KCNN2: variants seen among roughly 807,000 people sequenced by gnomAD.
KCNN2 encodes the protein small conductance calcium-activated potassium channel protein 2.
In KCNN2, 24 loss-of-function variants were observed where a neutral mutation model predicts 55.5. The ratio of observed to expected loss-of-function variants is 0.43; its 90% confidence interval spans 0.31 to 0.61. The LOEUF is 0.61. Ranked by LOEUF, KCNN2 falls within the 20% of genes least tolerant of loss-of-function variation. The pLI, the probability that KCNN2 is intolerant of heterozygous loss-of-function variation, is 0.08. For missense variants in KCNN2, 754 were observed against 853.6 expected (o/e 0.88, Z 1.45); for synonymous variants, 431 against 336.1 (o/e 1.28, Z -3.09).
chr5:114,235,875 G>A (rs1338597967), intron 2 of KCNN2, among the ~76,000 whole-genome samples: 1 of 152,208 alleles, frequency 6.6e-6, no homozygotes, highest in Non-Finnish European at 1.5e-5. Context: ...AGGAAACTGA[G>A]TATGAAAACG....
chr5:114,056,779 C>T (rs1038987329), intron 1 of KCNN2, among the ~76,000 whole-genome samples: 2 of 152,160 alleles, frequency 1.3e-5, no homozygotes, highest in Non-Finnish European at 2.9e-5. Flanking sequence ...CATCCTTCCC[C>T]CCTTGTCCTC....
chr5:114,268,922 C>T (rs1392511619), intron 2 of KCNN2, among the ~76,000 whole-genome samples: 3 of 151,822 alleles, frequency 2.0e-5, no homozygotes, highest in Non-Finnish European at 4.4e-5. Flanking sequence ...CCTCAGGTCT[C>T]CCAGCCATCT....
intron 4 of KCNN2, among the ~76,000 whole-genome samples, chr5:114,470,723 A>G (rs1043409897): frequency 6.6e-6 from 1 of 152,214 alleles, no homozygotes; most frequent in East Asian, 1.9e-4. Context: ...TCGTGTCTTC[A>G]TAAGTCAGTC....
At chr5:114,288,499 T>C (rs3101070) in intron 2 of KCNN2, among the ~76,000 whole-genome samples, 97,850 of 139,310 alleles carry the variant, frequency 0.7, 36,286 homozygotes, top group East Asian at 0.92. Flanking sequence ...TATATATATA[T>C]ACACACACAC....
At chr5:114,294,162 T>C (rs1755957629) in intron 2 of KCNN2, among the ~76,000 whole-genome samples, 1 of 152,148 alleles carries the variant, frequency 6.6e-6, no homozygotes, top group South Asian at 2.1e-4. Flanking sequence ...TGCATTAATT[T>C]TTTGAAGGGT....
At chr5:114,402,677 A>G (rs1440774428) in intron 2 of KCNN2, among the ~76,000 whole-genome samples, 1 of 152,152 alleles carries the variant, frequency 6.6e-6, no homozygotes, top group Non-Finnish European at 1.5e-5. Context: ...AAGGGGAACA[A>G]TGGCGGCCCT....
At chr5:114,170,259 G>A (rs939203980) in intron 1 of KCNN2, among the ~76,000 whole-genome samples, 6 of 151,980 alleles carry the variant, frequency 3.9e-5, no homozygotes, top group Non-Finnish European at 8.8e-5. Flanking sequence ...TACAGAGCAG[G>A]TCCAATCATT....
intron 1 of KCNN2, among the ~76,000 whole-genome samples, chr5:114,088,490 C>CT (rs1274622476): frequency 6.6e-6 from 1 of 151,548 alleles, no homozygotes; most frequent in African/African-American, 2.4e-5. Context: ...TTTTTTCCTG[C>CT]TTTTTTGTTC....
At chr5:114,241,193 A>T (rs916001549) in intron 2 of KCNN2, among the ~76,000 whole-genome samples, 1 of 151,890 alleles carries the variant, frequency 6.6e-6, no homozygotes, top group African/African-American at 2.4e-5. Flanking sequence ...TGGATAAAAT[A>T]ACTCTAATGT....
intron 1 of KCNN2, among the ~76,000 whole-genome samples, chr5:114,138,828 A>G (rs1278529774): frequency 1.3e-5 from 2 of 152,198 alleles, no homozygotes; most frequent in African/African-American, 4.8e-5. Flanking sequence ...AGGCAGAATG[A>G]GAAACATGGG....
chr5:114,404,355 T>A, intron 2 of KCNN2, 83 bp from the exon 3 acceptor site: 1 of 1,085,112 alleles, frequency 9.2e-7, no homozygotes, highest in Non-Finnish European at 1.3e-6. Context: ...AAAAGTCATC[T>A]GTTGTGTGTT....
chr5:114,056,100 A>G (rs774035509), exon 1 of KCNN2: 68 of 354,194 alleles, frequency 1.9e-4, no homozygotes, highest in Non-Finnish European at 3.1e-4. Context: ...ATTCGGTTCA[A>G]TATTTAGCAC....
chr5:114,087,436 C>T (rs763909885), intron 1 of KCNN2, among the ~76,000 whole-genome samples: 1 of 152,124 alleles, frequency 6.6e-6, no homozygotes, highest in Non-Finnish European at 1.5e-5. Flanking sequence ...TTTAATCCAT[C>T]ATGAGTTAAT....
At chr5:114,481,270 A>ACTT (rs1762211184) in intron 5 of KCNN2, among the ~76,000 whole-genome samples, 1 of 152,166 alleles carries the variant, frequency 6.6e-6, no homozygotes, top group African/African-American at 2.4e-5. Flanking sequence ...AGAATAAAAT[A>ACTT]CTTAGGAATA....
intron 5 of KCNN2, among the ~76,000 whole-genome samples, chr5:114,475,613 A>G (rs1482310169): frequency 6.6e-6 from 1 of 152,208 alleles, no homozygotes; most frequent in Admixed American, 6.5e-5. Flanking sequence ...AAAGAATCAC[A>G]TTCGAGTATT....
intron 2 of KCNN2, among the ~76,000 whole-genome samples, chr5:114,323,924 T>C (rs889315172): frequency 6.6e-6 from 1 of 151,934 alleles, no homozygotes; most frequent in Non-Finnish European, 1.5e-5. Flanking sequence ...TGGGAGCCAC[T>C]GCACCCAGCC....
chr5:114,216,040 T>A (rs1753993684), intron 1 of KCNN2, among the ~76,000 whole-genome samples: 1 of 152,156 alleles, frequency 6.6e-6, no homozygotes, highest in Non-Finnish European at 1.5e-5. Context: ...TGTAAAAGAA[T>A]GTTAGCTTTC....
intron 1 of KCNN2, among the ~76,000 whole-genome samples, chr5:114,148,180 A>T (rs1752443686): frequency 6.6e-6 from 1 of 152,142 alleles, no homozygotes; most frequent in South Asian, 2.1e-4. Context: ...GACTTGTCTA[A>T]AGGAATATGA....
chr5:114,203,884 G>A (rs946283092), intron 1 of KCNN2, among the ~76,000 whole-genome samples: 1 of 152,144 alleles, frequency 6.6e-6, no homozygotes, highest in African/African-American at 2.4e-5. Context: ...CTGGTGGAAC[G>A]GATCACATGG....
Sources: allele counts gnomAD v4.1 joint callset (sites outside exome capture counted in the v4.1 genomes callset), GRCh38; gene constraint gnomAD v4.1.1; transcripts MANE v1.5; gene names NCBI Gene and HGNC (gene_info 2026-07-23, HGNC 2026-07-21).